NDUFS4: variants seen among roughly 807,000 people sequenced by gnomAD.
NDUFS4 encodes the protein NADH:ubiquinone oxidoreductase subunit S4, also known as NADH dehydrogenase [ubiquinone] iron-sulfur protein 4, mitochondrial.
In NDUFS4, 28 loss-of-function variants were observed where a neutral mutation model predicts 24.3. The observed-to-expected ratio is 1.15, with a 90% CI of 0.85 to 1.58. The LOEUF is 1.58. Ranked by LOEUF, NDUFS4 falls within the 40% of genes most tolerant of loss-of-function variation. NDUFS4 has a pLI of 0.00. For synonymous variants in NDUFS4, 93 were observed against 69.7 expected, an observed-to-expected ratio of 1.34 and a Z score of -1.67; for missense variants, 223 against 207.9, an observed-to-expected ratio of 1.07 and a Z score of -0.45.
chr5:53,618,133 G>A (rs1418164787), intron 2 of NDUFS4, among the ~76,000 whole-genome samples: 1 of 152,022 alleles, frequency 6.6e-6, no homozygotes, highest in African/African-American at 2.4e-5. Context: ...TTAGCCGAGG[G>A]TAGTGGCGCG....
chr5:53,605,732 A>AGGTG (rs1750477340), intron 2 of NDUFS4, among the ~76,000 whole-genome samples: 1 of 152,022 alleles, frequency 6.6e-6, no homozygotes, highest in Admixed American at 6.6e-5. Flanking sequence ...GAAATACCTG[A>AGGTG]GGTGGGACGC....
At chr5:53,681,981 CACTT>C (rs67853315) in intron 4 of NDUFS4, among the ~76,000 whole-genome samples, 30,730 of 151,630 alleles carry the variant, frequency 0.2, 3,588 homozygotes, top group East Asian at 0.46. Flanking sequence ...TCAAGAGGCT[CACTT>C]AATTAGACTA....
intron 4 of NDUFS4, among the ~76,000 whole-genome samples, chr5:53,682,481 G>A (rs542006515): frequency 6.6e-6 from 1 of 151,718 alleles, no homozygotes; most frequent in Non-Finnish European, 1.5e-5. Flanking sequence ...AACAATTTGC[G>A]CTCTTTATCA....
intron 4 of NDUFS4, among the ~76,000 whole-genome samples, chr5:53,680,764 G>A (rs143866155): frequency 0.012 from 1,839 of 152,174 alleles, 14 homozygotes; most frequent in South Asian, 0.03. Context: ...GTTAATGGGC[G>A]CAGCACACCA....
chr5:53,595,084 C>T (rs1222369147), intron 1 of NDUFS4, among the ~76,000 whole-genome samples: 1 of 152,072 alleles, frequency 6.6e-6, no homozygotes, highest in Admixed American at 6.6e-5. Context: ...ATCTACAGAT[C>T]TGCATAGTCT....
At chr5:53,671,457 T>C (rs952871364) in intron 4 of NDUFS4, among the ~76,000 whole-genome samples, 1 of 152,162 alleles carries the variant, frequency 6.6e-6, no homozygotes, top group African/African-American at 2.4e-5. Context: ...AAAATATAAA[T>C]ACCCCTGATT....
At chr5:53,567,633 C>T (rs765518461) in intron 1 of NDUFS4, among the ~76,000 whole-genome samples, 9 of 151,868 alleles carry the variant, frequency 5.9e-5, no homozygotes, top group Non-Finnish European at 1.0e-4. Context: ...TCTTTAAAAA[C>T]GATTCAGTGT....
intron 1 of NDUFS4, among the ~76,000 whole-genome samples, chr5:53,582,342 A>T (rs11740228): frequency 2.6e-5 from 4 of 152,174 alleles, no homozygotes; most frequent in Non-Finnish European, 5.9e-5. Context: ...CAGGGTCAAG[A>T]GTGGCCAGAG....
intron 2 of NDUFS4, among the ~76,000 whole-genome samples, chr5:53,620,396 C>T (rs1270893837): frequency 6.6e-6 from 1 of 152,028 alleles, no homozygotes; most frequent in Non-Finnish European, 1.5e-5. Flanking sequence ...AGAAGTACTT[C>T]AAGGCTTAGT....
At chr5:53,613,411 C>T (rs1227179772) in intron 2 of NDUFS4, among the ~76,000 whole-genome samples, 1 of 151,802 alleles carries the variant, frequency 6.6e-6, no homozygotes, top group Non-Finnish European at 1.5e-5. Flanking sequence ...GAGAACCTAC[C>T]ATGGTGGCAG....
chr5:53,601,890 C>T (rs1017138295), intron 1 of NDUFS4, among the ~76,000 whole-genome samples: 4 of 152,212 alleles, frequency 2.6e-5, no homozygotes, highest in East Asian at 3.9e-4. Flanking sequence ...CTTTATTTTA[C>T]TTAATTGATC....
chr5:53,601,079 A>C (rs1750306480), intron 1 of NDUFS4, among the ~76,000 whole-genome samples: 1 of 145,314 alleles, frequency 6.9e-6, no homozygotes, highest in African/African-American at 2.6e-5. Flanking sequence ...ATCTCAGCTC[A>C]CTGCAAGCTC....
intron 1 of NDUFS4, among the ~76,000 whole-genome samples, chr5:53,568,511 GTTT>G (rs777241962): frequency 8.5e-5 from 13 of 152,182 alleles, no homozygotes; most frequent in Non-Finnish European, 1.3e-4. Flanking sequence ...TCTAAATTAA[GTTT>G]TATGCTTTTC....
chr5:53,680,094 T>G (rs1740609810), intron 4 of NDUFS4, among the ~76,000 whole-genome samples: 1 of 152,172 alleles, frequency 6.6e-6, no homozygotes, highest in Non-Finnish European at 1.5e-5. Context: ...ACTTAGGTGT[T>G]AACGTCCATC....
chr5:53,618,054 A>G lies in NDUFS4; in HGVS notation c.177+14524A>G, dbSNP rs113628736. Among the ~76,000 whole-genome samples the G allele has an allele frequency of 8.7e-3, 1,326 of 152,270 alleles. 11 individuals carry two copies. The highest frequency in any genetic ancestry group is 0.015 in the Non-Finnish European group (1,001 of 68,002). On this transcript the variant is annotated intron_variant, in intron 2 of 4. Transcript: ENST00000296684. ...CACTTTAGGAGGCCTAGTTGTGAGG[A>G]TCACTTGAGCCTAGGAGTTTGAGAC... is the stretch of plus-strand genomic sequence containing the variant.
chr5:53,600,428 C>T (rs539344362), intron 1 of NDUFS4, among the ~76,000 whole-genome samples: 2 of 152,130 alleles, frequency 1.3e-5, no homozygotes, highest in Non-Finnish European at 2.9e-5. Flanking sequence ...CCTGCCTCAA[C>T]CTCCTGAGTA....
At position 53,621,757 on chromosome 5, in the gene NDUFS4, A is replaced by G. The variant is rs983822061; in HGVS notation, c.177+18227A>G. On this transcript the variant is annotated intron_variant, in intron 2 of 4. Coordinates refer to ENST00000296684, the MANE Select transcript of NDUFS4 (RefSeq NM_002495.4). ...CGCTCTGTCGCCCAGGCTGGAGTGCAGTGGCGCGATCTCAACTCACTGCAA... is the reference window on the plus strand; with the variant it reads ...CGCTCTGTCGCCCAGGCTGGAGTGCGGTGGCGCGATCTCAACTCACTGCAA... 6.4e-5 allele frequency among the ~76,000 whole-genome samples: 8 copies of G among 124,598 alleles called. No homozygotes were observed. In the East Asian group the frequency reaches 2.0e-3, roughly 32 times the overall value. 81.7% of individuals were successfully genotyped at this position (124,598 alleles called of 152,430 possible). A position where few individuals can be genotyped will look rare whatever the true frequency, so the allele number is the denominator to read the frequency against.
intron 4 of NDUFS4, 25 bp from the exon 5 acceptor site, chr5:53,683,093 A>G: frequency 6.9e-7 from 1 of 1,451,078 alleles, no homozygotes; most frequent in Non-Finnish European, 9.7e-7. Context: ...GTTTCTGTGG[A>G]TTTGTCTTTG....
At chr5:53,572,305 G>A (rs1202385837) in intron 1 of NDUFS4, among the ~76,000 whole-genome samples, 1 of 152,120 alleles carries the variant, frequency 6.6e-6, no homozygotes, top group East Asian at 1.9e-4. Context: ...TATAGGGAAG[G>A]TTAGATAATC....
Sources: allele counts gnomAD v4.1 joint callset (sites outside exome capture counted in the v4.1 genomes callset), GRCh38; gene constraint gnomAD v4.1.1; transcripts MANE v1.5; gene names NCBI Gene and HGNC (gene_info 2026-07-23, HGNC 2026-07-21).